TADA3: variants seen among roughly 807,000 people sequenced by gnomAD.
TADA3 encodes transcriptional adaptor 3.
TADA3 carries 25 observed loss-of-function variants against 43.2 expected under a neutral mutation model. The ratio of observed to expected loss-of-function variants is 0.58; its 90% confidence interval spans 0.42 to 0.81. The LOEUF is 0.81. Among genes scored for constraint, TADA3 ranks in the 30% least tolerant of loss-of-function variants. The probability of loss-of-function intolerance (pLI) is 0.00; values close to 1 mark genes in which losing one functional copy is unlikely to be tolerated. For synonymous variants in TADA3, 235 were observed against 225.5 expected (o/e 1.04, Z -0.38); for missense variants, 441 against 567.8 (o/e 0.78, Z 2.27).
At chr3:9,782,320 A>G (rs546486663) in intron 8 of TADA3, among the ~76,000 whole-genome samples, 1 of 152,274 alleles carries the variant, frequency 6.6e-6, no homozygotes, top group Admixed American at 6.5e-5. Flanking sequence ...CTGTTTATTG[A>G]CTGTGTGACC....
At chr3:9,780,591 C>T (rs3868897) in intron 8 of TADA3, 42 bp from the exon 9 acceptor site, 1,101,748 of 1,564,362 alleles carry the variant, frequency 0.7, 389,563 homozygotes, top group Middle Eastern at 0.81. Context: ...CAGCCCACCT[C>T]CAGAGAACAA....
intron 1 of TADA3, 122 bp from the exon 2 acceptor site, chr3:9,791,615 C>T: frequency 1.7e-6 from 1 of 605,702 alleles, no homozygotes; most frequent in Non-Finnish European, 2.9e-6. Context: ...AAATTGATGG[C>T]ACAGTTCCTA....
rs1319788460 is a variant in TADA3, at chr3:9,791,475, A to G, written c.-9T>C. ...TCTTTCAACTCACTCATGGCCCAGG[A>G]TATGGGGATCCTGTGGAGCTGGAGA... On this transcript the variant is annotated 5_prime_UTR_variant, in exon 2 of 9. Coordinates refer to ENST00000301964, the MANE Select transcript of TADA3 (RefSeq NM_006354.5). The G allele has an allele frequency of 1.3e-6, 2 of 1,599,188 alleles. No homozygotes were observed. Among genetic ancestry groups the G allele is most frequent in the Non-Finnish European group, 1.7e-6 (2 of 1,169,662 alleles).
chr3:9,791,894 C>T (rs1248880845), intron 1 of TADA3, among the ~76,000 whole-genome samples: 1 of 152,214 alleles, frequency 6.6e-6, no homozygotes, highest in African/African-American at 2.4e-5. Flanking sequence ...CCTTCTATTT[C>T]TCTTGGGTTC....
At position 9,786,007 on chromosome 3, in the gene TADA3, C is replaced by A. The variant is rs293785; in HGVS notation, c.811-582G>T. Reference sequence around the variant, plus strand: ...GCTGTGGAGTGCAGTGGCACAATTTCGGCTTACTGCAAGCTCCGCCTCCTG... The same window carrying A: ...GCTGTGGAGTGCAGTGGCACAATTTAGGCTTACTGCAAGCTCCGCCTCCTG... On this transcript the variant is annotated intron_variant, in intron 6 of 8. Coordinates refer to ENST00000301964, the MANE Select transcript of TADA3 (RefSeq NM_006354.5). Among the ~76,000 whole-genome samples the A allele has an allele frequency of 8.8e-4, 133 of 151,428 alleles. 1 individual carries two copies. Among genetic ancestry groups the A allele is most frequent in the Non-Finnish European group, 3.5e-4 (24 of 67,904 alleles).
intron 8 of TADA3, among the ~76,000 whole-genome samples, chr3:9,782,915 T>G (rs762849383): frequency 9.2e-5 from 14 of 152,228 alleles, no homozygotes; most frequent in Non-Finnish European, 1.6e-4. Context: ...CCTATCTCTT[T>G]ACCTAAAGGG....
At chr3:9,791,164 G>A in intron 2 of TADA3, 96 bp downstream of exon 2, 2 of 1,288,854 alleles carry the variant, frequency 1.6e-6, no homozygotes, top group Non-Finnish European at 2.1e-6. Flanking sequence ...ACAAACCCCT[G>A]TACCCCAAGT....
intron 8 of TADA3, chr3:9,783,357 T>C (rs888327646): frequency 2.0e-5 from 3 of 151,958 alleles, no homozygotes; most frequent in African/African-American, 7.2e-5. Context: ...TTCACTCTTG[T>C]TGCCCAGGCT....
At chr3:9,788,011 T>C (rs888561226) in intron 4 of TADA3, 2 of 300,914 alleles carry the variant, frequency 6.6e-6, no homozygotes, top group African/African-American at 2.2e-5. Flanking sequence ...AAGAGGGATA[T>C]GGCCGAGGAA....
Position 9,791,286 on chromosome 3 carries a change from G to A in TADA3, c.181C>T (p.Leu61=). Residue 61 remains leucine (L), a synonymous_variant, in exon 2 of 9, where the codon CTG becomes TTG. Transcript: ENST00000301964. The part of the protein sequence containing the change: ...ETLLSSASRR[L]RVLEAETQIL... ...TGGGTTTCGGCCTCAAGCACACGCA[G>A]GCGCCGGCTGGCAGAAGACAGCAGG... is the stretch of plus-strand genomic sequence containing the variant. The A allele has an allele frequency of 6.2e-7, 1 of 1,613,340 alleles. No homozygotes were observed. The highest frequency in any genetic ancestry group is 1.1e-5 in the South Asian group (1 of 91,032).
upstream of TADA3, chr3:9,792,982 G>A: frequency 6.9e-7 from 1 of 1,440,838 alleles, no homozygotes; most frequent in Non-Finnish European, 9.1e-7. Context: ...GTTCGTAAGG[G>A]CTCTCTACCC....
Position 9,789,727 on chromosome 3 carries a change from A to G in TADA3, c.444T>C (p.Asn148=), listed in dbSNP as rs1365154274. The G allele has an allele frequency of 1.2e-6, 2 of 1,613,014 alleles. No individual in the cohort carries two copies. Among genetic ancestry groups the G allele is most frequent in the Non-Finnish European group, 1.7e-6 (2 of 1,179,240 alleles). Residue 148 remains asparagine, a synonymous_variant, in exon 3 of 9, where the codon AAT becomes AAC. Coordinates refer to ENST00000301964, the MANE Select transcript of TADA3 (RefSeq NM_006354.5). ...DPIDVPRIPK[N]DAPNRFWASV... ...TAGCCCAGAACCTGTTGGGGGCATC[A>G]TTTTTGGGGATCCGTGGCACGTCGA...
intron 6 of TADA3, 72 bp from the exon 7 acceptor site, chr3:9,785,497 G>A: frequency 9.7e-7 from 1 of 1,028,140 alleles, no homozygotes. Flanking sequence ...GACCTACACT[G>A]ACAGTCTTCA....
chr3:9,786,899 A>AT, intron 6 of TADA3, 107 bp downstream of exon 6: 1 of 1,062,872 alleles, frequency 9.4e-7, no homozygotes, highest in Non-Finnish European at 1.4e-6. Context: ...GCACCAACCT[A>AT]TTTTTGCACC....
rs960198276 is a variant in TADA3 at position 9,789,966 on chromosome 3, G to A, written c.208-3C>T. 3.2e-6 allele frequency: 5 copies of A among 1,581,360 alleles called. No individual in the cohort carries two copies. Among genetic ancestry groups the A allele is most frequent in the Middle Eastern group, 3.4e-4 (2 of 5,896 alleles). On this transcript the variant is annotated splice_region_variant and splice_polypyrimidine_tract_variant and intron_variant, in intron 2 of 8. Transcript: ENST00000301964. ...TTATCCTGCCAGTCGGTGAGGATCT[G>A]AAATTTACAGAAAGTGTCACTGAGG...
chr3:9,789,361 C>T, intron 4 of TADA3, 148 bp downstream of exon 4: 2 of 680,132 alleles, frequency 2.9e-6, no homozygotes, highest in Non-Finnish European at 4.9e-6. Context: ...GAGTTTGGGC[C>T]TAGGTGTCTG....
chr3:9,792,627 C>G, upstream of TADA3: 1 of 1,230,896 alleles, frequency 8.1e-7, no homozygotes, highest in Non-Finnish European at 1.0e-6. Context: ...CCCCGGGGCA[C>G]AGCCCGGGGC....
In TADA3 at chr3:9,792,380, C is replaced by A; in HGVS notation, c.-192G>T. The A allele has an allele frequency of 1.6e-6, 1 of 616,698 alleles. No individual in the cohort carries two copies. The highest frequency in any genetic ancestry group is 2.1e-6 in the Non-Finnish European group (1 of 481,330). 38.2% of individuals were successfully genotyped at this position (616,698 alleles called of 1,614,324 possible). ...TAGGGACACCCTAGTGCGACCCCCG[C>A]CCCCTCTACCTCCTCGCTGCGGCCT... On this transcript the variant is annotated 5_prime_UTR_variant, in exon 1 of 9. Transcript: ENST00000301964.
chr3:9,791,360 T>A lies in TADA3; in HGVS notation c.107A>T (p.Asp36Val), dbSNP rs1454471218. The change falls in exon 2 of 9, where the codon GAT (aspartate) becomes GTT (valine). Residue 36 changes from aspartate to valine, a missense_variant. Physicochemically the swap from Asp to Val is radical, Grantham distance 152 (BLOSUM62 -3). Coordinates refer to ENST00000301964, the MANE Select transcript of TADA3 (RefSeq NM_006354.5). The stretch of plus-strand genomic sequence containing the variant: ...GTCCAGCTCCTCGATGCCGATGCCA[T>A]CATCCTCAGAGCGTGCCAGCACTGC... Reference protein sequence around the residue: ...YTAVLARSEDDGIGIEELDTL... With the variant: ...YTAVLARSEDVGIGIEELDTL... 1.9e-5 allele frequency: 31 copies of A among 1,614,106 alleles called. No individual in the cohort carries two copies. The highest frequency in any genetic ancestry group is 2.5e-5 in the Non-Finnish European group (30 of 1,180,054).
Sources: gnomAD v4.1 joint callset for allele counts (sites outside exome capture counted in the v4.1 genomes callset) on GRCh38, gnomAD v4.1.1 for gene constraint, MANE v1.5 for transcripts, NCBI Gene and HGNC (gene_info 2026-07-23, HGNC 2026-07-21) for gene names.